GRM7: variants seen among roughly 807,000 people sequenced by gnomAD.
GRM7 encodes the protein metabotropic glutamate receptor 7.
Under a neutral mutation model 84.5 loss-of-function variants are expected in GRM7, and 35 were observed. The observed-to-expected ratio is 0.41, with a 90% confidence interval of 0.32 to 0.55. The LOEUF is 0.55. Ranked by LOEUF, GRM7 falls within the 20% of genes least tolerant of loss-of-function variation. GRM7 has a pLI of 0.19. For missense variants in GRM7, 1,003 were observed against 1,194.6 expected, an observed-to-expected ratio of 0.84 and a Z score of 2.36; for synonymous variants, 487 against 455.1, an observed-to-expected ratio of 1.07 and a Z score of -0.89.
At chr3:7,732,009 C>G (rs1023890708) in intron 9 of GRM7, among the ~76,000 whole-genome samples, 18 of 152,114 alleles carry the variant, frequency 1.2e-4, no homozygotes, top group African/African-American at 4.1e-4. Flanking sequence ...TGAGTGCAAA[C>G]TCCATCTTCC....
chr3:7,497,768 C>G (rs1699756263), intron 7 of GRM7, among the ~76,000 whole-genome samples: 1 of 152,100 alleles, frequency 6.6e-6, no homozygotes, highest in Non-Finnish European at 1.5e-5. Context: ...CTAACTTCAC[C>G]ATTTATTAGC....
rs1694294714 is a variant in GRM7 at position 7,151,745 on chromosome 3, C to G, written c.736+5077C>G. Among the ~76,000 whole-genome samples the G allele has an allele frequency of 6.6e-6, 1 of 152,006 alleles. No homozygotes were observed. The highest frequency in any genetic ancestry group is 2.1e-4 in the South Asian group (1 of 4,822). On this transcript the variant is annotated intron_variant, in intron 2 of 9. Coordinates refer to ENST00000357716, the MANE Select transcript of GRM7 (RefSeq NM_000844.4). The surrounding 1 kb of genome is among the most constrained non-coding windows in gnomAD (Gnocchi z 4.5). Reference sequence around the variant, plus strand: ...AAACACCTTACGATATGTAATTTTGCTAGAAGGCCATAAAATACTACATCC... The same window carrying G: ...AAACACCTTACGATATGTAATTTTGGTAGAAGGCCATAAAATACTACATCC...
At chr3:7,405,731 C>A (rs915601438) in intron 4 of GRM7, among the ~76,000 whole-genome samples, 12 of 152,116 alleles carry the variant, frequency 7.9e-5, no homozygotes, top group African/African-American at 2.9e-4. Flanking sequence ...ATTTTATATA[C>A]ATATTTTTTG....
intron 1 of GRM7, among the ~76,000 whole-genome samples, chr3:6,929,019 G>C (rs186372255): frequency 2.0e-5 from 3 of 152,212 alleles, no homozygotes; most frequent in East Asian, 3.9e-4. Flanking sequence ...CCCACGACCT[G>C]CTTGGAAAGC....
intron 2 of GRM7, among the ~76,000 whole-genome samples, chr3:7,236,820 G>T (rs551712591): frequency 1.9e-4 from 29 of 152,156 alleles, no homozygotes; most frequent in African/African-American, 5.8e-4. Flanking sequence ...AACCAAACCT[G>T]GTTCAGATCA....
chr3:7,225,501 G>T, intron 2 of GRM7, among the ~76,000 whole-genome samples: 2 of 145,966 alleles, frequency 1.4e-5, no homozygotes, highest in South Asian at 2.1e-4. Context: ...AATTTCTTTG[G>T]CATTTTAAGA....
intron 1 of GRM7, among the ~76,000 whole-genome samples, chr3:7,129,126 A>G (rs1439891748): frequency 6.6e-6 from 1 of 152,222 alleles, no homozygotes; most frequent in Non-Finnish European, 1.5e-5. Flanking sequence ...TCATGGAAAC[A>G]GAAGCACTAT....
rs1694821430 is a variant in GRM7, at chr3:6,863,150, T to C, written c.519+1243T>C. On this transcript the variant is annotated intron_variant, in intron 1 of 9. Coordinates refer to ENST00000357716, the MANE Select transcript of GRM7 (RefSeq NM_000844.4). The surrounding 1 kb of genome is among the most constrained non-coding windows in gnomAD (Gnocchi z 4.8). ...GTTTTTTTTTTCTCTCTGTTTTTTC[T>C]CTCCTTTTCAATCTCTCCCTCCTTT... is the stretch of plus-strand genomic sequence containing the variant. The C allele has an allele frequency of 6.1e-6, 2 of 326,048 alleles. No homozygotes were observed. Among genetic ancestry groups the C allele is most frequent in the South Asian group, 4.7e-5 (2 of 42,166 alleles). The allele number at this position is 326,048 out of a possible 1,614,324, so 20.2% of individuals were successfully genotyped here. A position where few individuals can be genotyped will look rare whatever the true frequency, so the allele number is the denominator to read the frequency against.
intron 8 of GRM7, among the ~76,000 whole-genome samples, chr3:7,653,215 T>C (rs1699036462): frequency 7.1e-6 from 1 of 141,170 alleles, no homozygotes; most frequent in Admixed American, 7.1e-5. Context: ...GCTTTACATC[T>C]TTCTCCCCTC....
chr3:7,192,940 C>A (rs1042163444), intron 2 of GRM7, among the ~76,000 whole-genome samples: 1 of 152,158 alleles, frequency 6.6e-6, no homozygotes, highest in African/African-American at 2.4e-5. Context: ...ATTTTCTGAT[C>A]ATTTCTTCTA....
chr3:7,068,956 G>A (rs1297331295), intron 1 of GRM7, among the ~76,000 whole-genome samples: 2 of 151,700 alleles, frequency 1.3e-5, no homozygotes, highest in East Asian at 3.9e-4. Context: ...TTTTCTCAAT[G>A]GACTTCAGTT....
chr3:6,886,026 A>G (rs762676381), intron 1 of GRM7, among the ~76,000 whole-genome samples: 1 of 152,184 alleles, frequency 6.6e-6, no homozygotes, highest in Non-Finnish European at 1.5e-5. Context: ...GATTTGATAT[A>G]TGTATACATT....
At chr3:7,548,342 C>T (rs1473312755) in intron 7 of GRM7, among the ~76,000 whole-genome samples, 2 of 152,220 alleles carry the variant, frequency 1.3e-5, no homozygotes, top group Non-Finnish European at 2.9e-5. Context: ...TCCGCTTTGC[C>T]TTCTGCCCTG....
At chr3:7,331,694 C>T (rs12494983) in intron 4 of GRM7, among the ~76,000 whole-genome samples, 10,146 of 152,196 alleles carry the variant, frequency 0.067, 389 homozygotes, top group Non-Finnish European at 0.09. Context: ...CACAGTATCT[C>T]ATGTGTTGGA....
At chr3:7,207,900 G>A (rs573415144) in intron 2 of GRM7, among the ~76,000 whole-genome samples, 19 of 152,184 alleles carry the variant, frequency 1.2e-4, no homozygotes, top group Admixed American at 2.0e-4. Context: ...AATTATAACC[G>A]TGAAAGTGGA....
intron 3 of GRM7, among the ~76,000 whole-genome samples, chr3:7,304,126 T>C (rs1188921682): frequency 1.3e-5 from 2 of 152,068 alleles, no homozygotes; most frequent in African/African-American, 4.8e-5. Flanking sequence ...GACTAATGAG[T>C]TGCAGAACTC....
Position 7,128,582 on chromosome 3 carries a change from A to G in GRM7, c.520-17870A>G, listed in dbSNP as rs1470351402. 1.6e-5 allele frequency among the ~76,000 whole-genome samples: 2 copies of G among 122,700 alleles called. 1 individual carries two copies. Among genetic ancestry groups the G allele is most frequent in the African/African-American group, 6.6e-5 (2 of 30,494 alleles). The allele number at this position is 122,700 out of a possible 152,430, so 80.5% of individuals were successfully genotyped here. A position where few individuals can be genotyped will look rare whatever the true frequency, so the allele number is the denominator to read the frequency against. ...GAGTGCAGTGGCGCGATCTGTGTTCACTGCAACCTCCGCCTCCCAGGTTCA... is the reference window on the plus strand; with the variant it reads ...GAGTGCAGTGGCGCGATCTGTGTTCGCTGCAACCTCCGCCTCCCAGGTTCA... On this transcript the variant is annotated intron_variant, in intron 1 of 9. Coordinates refer to ENST00000357716, the MANE Select transcript of GRM7 (RefSeq NM_000844.4).
At chr3:7,435,535 G>A (rs1197970124) in intron 5 of GRM7, among the ~76,000 whole-genome samples, 1 of 151,864 alleles carries the variant, frequency 6.6e-6, no homozygotes, top group Non-Finnish European at 1.5e-5. Context: ...TTTTAGAGAT[G>A]GAGTTTCACT....
At chr3:7,193,307 G>A (rs899234303) in intron 2 of GRM7, among the ~76,000 whole-genome samples, 3 of 152,038 alleles carry the variant, frequency 2.0e-5, no homozygotes, top group Admixed American at 1.3e-4. Flanking sequence ...TAATTTATAG[G>A]TAGAGACATC....
Sources: gnomAD v4.1 joint callset for allele counts (sites outside exome capture counted in the v4.1 genomes callset) on GRCh38, gnomAD v4.1.1 for gene constraint, Gnocchi (gnomAD v3.1) non-coding constraint, MANE v1.5 for transcripts, NCBI Gene and HGNC (gene_info 2026-07-23, HGNC 2026-07-21) for gene names.